MAML2: variants seen among roughly 807,000 people sequenced by gnomAD.
MAML2 encodes mastermind-like protein 2.
In MAML2, 22 loss-of-function variants were observed where a neutral mutation model predicts 96.1. The ratio of observed to expected loss-of-function variants is 0.23; its 90% CI spans 0.16 to 0.33. The LOEUF (loss-of-function observed/expected upper bound fraction) is 0.33. Ranked by LOEUF, MAML2 falls within the 10% of genes least tolerant of loss-of-function variation. MAML2 has a pLI of 1.00. For missense variants in MAML2, 1,367 were observed against 1,392.4 expected (o/e 0.98, Z 0.29); for synonymous variants, 561 against 521.3 (o/e 1.08, Z -1.04).
intron 2 of MAML2, among the ~76,000 whole-genome samples, chr11:96,070,601 C>A (rs1222493318): frequency 6.6e-6 from 1 of 152,198 alleles, no homozygotes. Flanking sequence ...AGCTGCCCAC[C>A]CCACTGGCGT....
intron 2 of MAML2, among the ~76,000 whole-genome samples, chr11:96,017,990 T>C (rs1204127652): frequency 6.6e-6 from 1 of 152,144 alleles, no homozygotes; most frequent in African/African-American, 2.4e-5. Context: ...ATGTGGTGAA[T>C]AGTTTGTACG....
chr11:96,159,407 C>CTTATTTTTTTTTTTT (rs1861066357), intron 1 of MAML2, among the ~76,000 whole-genome samples: 1 of 91,122 alleles, frequency 1.1e-5, no homozygotes, highest in Non-Finnish European at 2.0e-5. Flanking sequence ...ACCACTGATT[C>CTTATTTTTTTTTTTT]TTTTTTTTTT....
intron 1 of MAML2, among the ~76,000 whole-genome samples, chr11:96,338,686 C>A (rs551036737): frequency 6.6e-6 from 1 of 152,296 alleles, no homozygotes; most frequent in Non-Finnish European, 1.5e-5. Context: ...AATATTCTCT[C>A]CCTTTCTCCA....
intron 1 of MAML2, among the ~76,000 whole-genome samples, chr11:96,247,101 T>G (rs1591094113): frequency 6.6e-6 from 1 of 152,054 alleles, no homozygotes; most frequent in Non-Finnish European, 1.5e-5. Context: ...CAGCTTCAGG[T>G]TACAAGCAGA....
intron 2 of MAML2, among the ~76,000 whole-genome samples, chr11:95,994,591 C>A (rs1246592821): frequency 3.9e-5 from 6 of 151,910 alleles, no homozygotes. Context: ...GAGGCAGGAT[C>A]AGGGAAGCGT....
chr11:96,201,266 G>A (rs1267755764), intron 1 of MAML2, among the ~76,000 whole-genome samples: 1 of 152,080 alleles, frequency 6.6e-6, no homozygotes, highest in African/African-American at 2.4e-5. Context: ...AAGAAGAAAA[G>A]GAGAAAGAGT....
chr11:96,190,954 G>T lies in MAML2; in HGVS notation c.514-97437C>A, dbSNP rs1200792058. On this transcript the variant is annotated intron_variant, in intron 1 of 4. Coordinates refer to ENST00000524717, the MANE Select transcript of MAML2 (RefSeq NM_032427.4). ...ATGTAATCTGAGGTTGCATTTATAA[G>T]GTTAGTCTTTCTCTAATCTCTTCTT... Among the ~76,000 whole-genome samples, 5 of 152,184 alleles carry T rather than the reference G, an allele frequency of 3.3e-5. No homozygotes were observed. In the East Asian group the frequency reaches 9.6e-4, roughly 29 times the overall value.
At chr11:96,177,605 C>T (rs1463276962) in intron 1 of MAML2, among the ~76,000 whole-genome samples, 2 of 152,186 alleles carry the variant, frequency 1.3e-5, no homozygotes, top group Non-Finnish European at 2.9e-5. Flanking sequence ...CCATAAAATA[C>T]ACCTAGAAAT....
intron 1 of MAML2, among the ~76,000 whole-genome samples, chr11:96,139,836 T>C (rs1860703594): frequency 6.6e-6 from 1 of 152,082 alleles, no homozygotes; most frequent in Non-Finnish European, 1.5e-5. Context: ...TAAGGGCCTT[T>C]GAAATTTCCG....
Position 96,139,476 on chromosome 11 carries a change from TA to T in MAML2, c.514-45960del, listed in dbSNP as rs1157206994. 2.4e-3 allele frequency among the ~76,000 whole-genome samples: 333 copies of T among 136,706 alleles called. 1 individual carries two copies. Among genetic ancestry groups the T allele is most frequent in the Admixed American group, 2.9e-3 (39 of 13,646 alleles). 89.7% of individuals were successfully genotyped at this position (136,706 alleles called of 152,430 possible). On this transcript the variant is annotated intron_variant, in intron 1 of 4. Transcript: ENST00000524717. ...TGGGCGACAGAGCGAGACTCTGTCTTAAAAAAAAAAAAAAGACAGTGGTATC... is the reference window on the plus strand; with the variant it reads ...TGGGCGACAGAGCGAGACTCTGTCTTAAAAAAAAAAAAAGACAGTGGTATC...
At chr11:96,002,709 T>C (rs1338188989) in intron 2 of MAML2, among the ~76,000 whole-genome samples, 1 of 7,612 alleles carries the variant, frequency 1.3e-4, no homozygotes, top group Non-Finnish European at 2.3e-4. Context: ...ATGGGGATGA[T>C]AAGGAGGACG....
chr11:96,045,945 T>C (rs1273097507), intron 2 of MAML2, among the ~76,000 whole-genome samples: 3 of 151,740 alleles, frequency 2.0e-5, no homozygotes, highest in African/African-American at 7.3e-5. Flanking sequence ...TGTTTTTGGT[T>C]TTGCCCTTGG....
At chr11:96,310,506 AAAAG>A (rs1246864825) in intron 1 of MAML2, among the ~76,000 whole-genome samples, 1 of 152,226 alleles carries the variant, frequency 6.6e-6, no homozygotes, top group East Asian at 1.9e-4. Flanking sequence ...TTCAGTACAT[AAAAG>A]AAAGATACAC....
intron 1 of MAML2, among the ~76,000 whole-genome samples, chr11:96,124,433 G>T (rs1173561720): frequency 6.6e-6 from 1 of 152,176 alleles, no homozygotes; most frequent in African/African-American, 2.4e-5. Flanking sequence ...AAGAAGAATA[G>T]AAAGATAGTC....
At chr11:96,273,499 T>G (rs549348634) in intron 1 of MAML2, among the ~76,000 whole-genome samples, 2 of 152,218 alleles carry the variant, frequency 1.3e-5, no homozygotes, top group Admixed American at 1.3e-4. Flanking sequence ...TTTTCTTCTT[T>G]TGTAGCTTTC....
chr11:96,058,412 C>T lies in MAML2; in HGVS notation c.2139+33480G>A, dbSNP rs1398484522. Among the ~76,000 whole-genome samples the T allele has an allele frequency of 9.9e-5, 15 of 152,154 alleles. No individual in the cohort carries two copies. The East Asian group carries it at 2.3e-3, about 23-fold the overall frequency. ...TTGGCTCACTGCAACATCTGCCTCTCGAGTTCAAGTGATTCTCCTGCCTCA... is the reference window on the plus strand; with the variant it reads ...TTGGCTCACTGCAACATCTGCCTCTTGAGTTCAAGTGATTCTCCTGCCTCA... On this transcript the variant is annotated intron_variant, in intron 2 of 4. Transcript: ENST00000524717.
At chr11:95,984,849 T>A (rs577442429) in intron 4 of MAML2, among the ~76,000 whole-genome samples, 1 of 152,246 alleles carries the variant, frequency 6.6e-6, no homozygotes, top group South Asian at 2.1e-4. Flanking sequence ...TTAGACAGTT[T>A]TGGGCAGAAG....
At chr11:96,262,998 T>C (rs773974227) in intron 1 of MAML2, among the ~76,000 whole-genome samples, 2 of 152,206 alleles carry the variant, frequency 1.3e-5, no homozygotes, top group African/African-American at 4.8e-5. Context: ...TAATTGCTAA[T>C]AGTAAACTGC....
At chr11:96,141,623 G>A (rs1178427130) in intron 1 of MAML2, among the ~76,000 whole-genome samples, 1 of 152,094 alleles carries the variant, frequency 6.6e-6, no homozygotes, top group Non-Finnish European at 1.5e-5. Context: ...AGAAAAAGGG[G>A]TGATTCTGAG....
Sources: allele counts gnomAD v4.1 joint callset (sites outside exome capture counted in the v4.1 genomes callset), GRCh38; gene constraint gnomAD v4.1.1; transcripts MANE v1.5; gene names NCBI Gene and HGNC (gene_info 2026-07-23, HGNC 2026-07-21).